KLHL32: variants seen among roughly 807,000 people sequenced by gnomAD.
KLHL32 encodes the protein kelch-like protein 32.
Under a neutral mutation model 64.8 loss-of-function variants are expected in KLHL32, and 35 were observed. The ratio of observed to expected loss-of-function variants is 0.54; its 90% CI spans 0.41 to 0.72. The LOEUF (loss-of-function observed/expected upper bound fraction) is 0.72, where lower values mean the gene tolerates loss of function less well. Ranked by LOEUF, KLHL32 falls within the 30% of genes least tolerant of loss-of-function variation. KLHL32 has a pLI of 0.00. For synonymous variants in KLHL32, 259 were observed against 281.0 expected (o/e 0.92, Z 0.78); for missense variants, 589 against 768.5 (o/e 0.77, Z 2.76).
intron 6 of KLHL32, among the ~76,000 whole-genome samples, chr6:97,090,191 T>C (rs1336369000): frequency 1.3e-5 from 2 of 152,154 alleles, no homozygotes; most frequent in Non-Finnish European, 2.9e-5. Context: ...CATATTAAAA[T>C]GTATTGAATG....
intron 2 of KLHL32, among the ~76,000 whole-genome samples, chr6:96,973,521 T>G (rs1225248976): frequency 6.6e-6 from 1 of 152,190 alleles, no homozygotes; most frequent in Non-Finnish European, 1.5e-5. Context: ...GAATCTATTT[T>G]CCATCCCAAA....
At chr6:96,904,082 C>T in the KLHL32 span, among the ~76,000 whole-genome samples, 1 of 151,914 alleles carries the variant, frequency 6.6e-6, no homozygotes, top group Non-Finnish European at 1.5e-5. Context: ...GGCTCACACC[C>T]GTAATCCCAG....
At chr6:97,056,098 TTTTTTTTC>T (rs1312069145) in intron 4 of KLHL32, among the ~76,000 whole-genome samples, 1,193 of 115,100 alleles carry the variant, frequency 0.01, 11 homozygotes, top group African/African-American at 0.021. Context: ...TTTTTTTTCT[TTTTTTTTC>T]TTTTTTTTTT....
At chr6:96,918,799 C>T in the KLHL32 span, among the ~76,000 whole-genome samples, 1 of 152,048 alleles carries the variant, frequency 6.6e-6, no homozygotes, top group African/African-American at 2.4e-5. Context: ...ATTCTGATTC[C>T]ACTGGAAATG....
chr6:97,070,889 G>T (rs578013156), intron 5 of KLHL32, among the ~76,000 whole-genome samples: 37 of 152,182 alleles, frequency 2.4e-4, no homozygotes, highest in Non-Finnish European at 4.4e-4. Flanking sequence ...AAGAAGATCT[G>T]TGTTTCATTT....
intron 3 of KLHL32, chr6:96,994,708 A>G: frequency 1.1e-6 from 1 of 876,798 alleles, no homozygotes. Flanking sequence ...CCATTTTAAA[A>G]GAAAGTGAAA....
At position 97,072,777 on chromosome 6, in the gene KLHL32, C is replaced by T. The variant is rs145124773; in HGVS notation, c.411+8051C>T. Among the ~76,000 whole-genome samples, 192 of 152,232 alleles carry T rather than the reference C, an allele frequency of 1.3e-3. 3 individuals carry two copies. Among genetic ancestry groups the T allele is most frequent in the African/African-American group, 4.4e-3 (184 of 41,534 alleles). On this transcript the variant is annotated intron_variant, in intron 5 of 10. Coordinates refer to ENST00000369261, the MANE Select transcript of KLHL32 (RefSeq NM_052904.4). ...CTTCCAGAGTTGCCTGATCAATCTA[C>T]TCAGTTGGAATTATATCTTCCTCCT...
chr6:97,064,825 G>A, intron 5 of KLHL32, 99 bp downstream of exon 5: 1 of 980,922 alleles, frequency 1.0e-6, no homozygotes. Context: ...AGGTAAAGTG[G>A]GGGTGGGGTG....
intron 6 of KLHL32, among the ~76,000 whole-genome samples, chr6:97,100,459 G>A (rs1378505441): frequency 6.6e-6 from 1 of 152,122 alleles, no homozygotes; most frequent in African/African-American, 2.4e-5. Flanking sequence ...GTAGAGTCTG[G>A]CCCTGACAGT....
chr6:97,082,331 A>G (rs1792667431), intron 5 of KLHL32, among the ~76,000 whole-genome samples: 1 of 152,136 alleles, frequency 6.6e-6, no homozygotes, highest in South Asian at 2.1e-4. Flanking sequence ...AGCTCAGTTT[A>G]GGCTGGGAGC....
intron 7 of KLHL32, among the ~76,000 whole-genome samples, chr6:97,116,837 CTTTG>C (rs1428605885): frequency 1.3e-5 from 2 of 152,176 alleles, no homozygotes; most frequent in Non-Finnish European, 2.9e-5. Flanking sequence ...TGCTATCTCA[CTTTG>C]TTTTTCTCCT....
At chr6:96,919,471 G>A in the KLHL32 span, among the ~76,000 whole-genome samples, 1 of 152,158 alleles carries the variant, frequency 6.6e-6, no homozygotes, top group Non-Finnish European at 1.5e-5. Context: ...GTATTCATAT[G>A]TGTTTCATTT....
chr6:96,971,987 G>C lies in KLHL32; in HGVS notation c.24-4010G>C, dbSNP rs562458045. On this transcript the variant is annotated intron_variant, in intron 2 of 10. Transcript: ENST00000369261. The stretch of plus-strand genomic sequence containing the variant: ...CCTGCCTTAGCCTCCTGAGTAGCTG[G>C]GATACAGGCATGCGCCACCACACCT... Among the ~76,000 whole-genome samples the C allele has an allele frequency of 1.7e-3, 254 of 152,048 alleles. 1 individual carries two copies. The highest frequency in any genetic ancestry group is 5.9e-3 in the African/African-American group (245 of 41,464).
chr6:97,002,482 T>G, intron 3 of KLHL32, among the ~76,000 whole-genome samples: 1 of 152,250 alleles, frequency 6.6e-6, no homozygotes, highest in East Asian at 1.9e-4. Flanking sequence ...TTATTATTTT[T>G]TGCACTTTTA....
chr6:97,126,466 G>C (rs1798886644), intron 7 of KLHL32, among the ~76,000 whole-genome samples: 1 of 151,888 alleles, frequency 6.6e-6, no homozygotes, highest in Non-Finnish European at 1.5e-5. Flanking sequence ...ACAAATAAGA[G>C]AAACTTAGCT....
intron 1 of KLHL32, among the ~76,000 whole-genome samples, chr6:96,948,202 T>A (rs1423951684): frequency 6.6e-6 from 1 of 152,194 alleles, no homozygotes; most frequent in East Asian, 1.9e-4. Flanking sequence ...CAATGTACAA[T>A]GAGCGGTGTG....
the KLHL32 span, among the ~76,000 whole-genome samples, chr6:96,906,838 G>T: frequency 6.6e-6 from 1 of 152,176 alleles, no homozygotes; most frequent in Admixed American, 6.5e-5. Flanking sequence ...AGGATGTATG[G>T]ATGCAATCTT....
chr6:97,010,677 T>C (rs1427657356), intron 3 of KLHL32, among the ~76,000 whole-genome samples: 1 of 152,198 alleles, frequency 6.6e-6, no homozygotes, highest in Non-Finnish European at 1.5e-5. Flanking sequence ...GGTCCTAATG[T>C]TGAAAAACAA....
At chr6:97,116,969 T>C (rs1461601003) in intron 7 of KLHL32, among the ~76,000 whole-genome samples, 1 of 152,234 alleles carries the variant, frequency 6.6e-6, no homozygotes. Context: ...CCTTACTGTG[T>C]ACTTGAGATG....
Sources: gnomAD v4.1 joint callset for allele counts (sites outside exome capture counted in the v4.1 genomes callset) on GRCh38, gnomAD v4.1.1 for gene constraint, MANE v1.5 for transcripts, NCBI Gene and HGNC (gene_info 2026-07-23, HGNC 2026-07-21) for gene names.